The following ABCA9 variants were observed in gnomAD, a reference collection of about 807,000 sequenced individuals.
ABCA9 encodes the protein ATP binding cassette subfamily A member 9.
ABCA9 carries 183 observed loss-of-function variants against 205.3 expected under a neutral mutation model. That is an observed-to-expected ratio of 0.89 (90% CI 0.79 to 1.01). ABCA9 has a LOEUF of 1.01. ABCA9 is among the 50% of genes least tolerant of loss of function. ABCA9 has a pLI of 0.00. For synonymous variants in ABCA9, 651 were observed against 683.3 expected (o/e 0.95, Z 0.74); for missense variants, 1,805 against 1,912.4 (o/e 0.94, Z 1.05).
intron 31 of ABCA9, 85 bp from the exon 32 acceptor site, chr17:68,986,409 T>G (rs945123875): frequency 6.1e-6 from 8 of 1,304,456 alleles, no homozygotes; most frequent in African/African-American, 4.5e-5. Context: ...AGAGATGCCC[T>G]TCTCTTCACA....
At chr17:69,050,279 T>A (rs958268864) in intron 2 of ABCA9, among the ~76,000 whole-genome samples, 1 of 151,840 alleles carries the variant, frequency 6.6e-6, no homozygotes, top group African/African-American at 2.4e-5. Flanking sequence ...GTTGTATACT[T>A]TATTCCCTGC....
chr17:68,976,202 T>C lies in ABCA9; in HGVS notation c.4721-12A>G. The stretch of plus-strand genomic sequence containing the variant: ...GAAACTCTGTTTAACTGCATAAGAA[T>C]GAGCATACATTAGGAATTCTATTTT... On this transcript the variant is annotated splice_polypyrimidine_tract_variant and intron_variant, in intron 37 of 38. Coordinates refer to ENST00000340001, the MANE Select transcript of ABCA9 (RefSeq NM_080283.4). 6.2e-7 allele frequency: 1 copy of C among 1,611,388 alleles called. No individual in the cohort carries two copies. The highest frequency in any genetic ancestry group is 8.5e-7 in the Non-Finnish European group (1 of 1,178,758).
At chr17:69,006,520 G>A (rs1206209444) in intron 25 of ABCA9, among the ~76,000 whole-genome samples, 8 of 152,116 alleles carry the variant, frequency 5.3e-5, no homozygotes, top group South Asian at 2.1e-4. Flanking sequence ...ACCTATTGTC[G>A]ATTATATACA....
rs147396996 is a variant in ABCA9, at chr17:68,985,504, C to G, written c.4209-376G>C. On this transcript the variant is annotated intron_variant, in intron 32 of 38. Transcript: ENST00000340001. Reference sequence around the variant, plus strand: ...GGGCATGGTGGCGTGCACCTGTAGTCCCAGCTACTCAGGAGGCTGAGGCAG... The same window carrying G: ...GGGCATGGTGGCGTGCACCTGTAGTGCCAGCTACTCAGGAGGCTGAGGCAG... 2.2e-3 allele frequency among the ~76,000 whole-genome samples: 336 copies of G among 152,244 alleles called. 1 individual carries two copies. Among genetic ancestry groups the G allele is most frequent in the African/African-American group, 7.8e-3 (324 of 41,522 alleles).
chr17:69,068,952 C>A, the ABCA9 span, among the ~76,000 whole-genome samples: 2 of 152,048 alleles, frequency 1.3e-5, no homozygotes, highest in East Asian at 3.9e-4. Context: ...AGGAAGAGGA[C>A]AAAGATATGA....
chr17:69,055,645 A>T (rs968795393), intron 1 of ABCA9, among the ~76,000 whole-genome samples: 1 of 152,206 alleles, frequency 6.6e-6, no homozygotes, highest in Non-Finnish European at 1.5e-5. Context: ...GAACTCAACA[A>T]TATAATCAAC....
chr17:68,992,980 C>T (rs2069503655), intron 27 of ABCA9, 36 bp downstream of exon 27: 1 of 1,516,854 alleles, frequency 6.6e-7, no homozygotes, highest in Non-Finnish European at 9.1e-7. Context: ...GTTGTGTTCC[C>T]TCATGCAAGA....
chr17:69,005,895 TG>T (rs777299889), intron 25 of ABCA9, among the ~76,000 whole-genome samples: 1 of 152,248 alleles, frequency 6.6e-6, no homozygotes, highest in African/African-American at 2.4e-5. Context: ...GCATGGATTT[TG>T]CATTTTGTCA....
At chr17:69,072,613 G>T in the ABCA9 span, among the ~76,000 whole-genome samples, 1 of 146,064 alleles carries the variant, frequency 6.8e-6, no homozygotes, top group African/African-American at 2.5e-5. Context: ...ATATGGAAAG[G>T]AAAAACTGGT....
rs1200377975 is a variant in ABCA9 at position 69,008,250 on chromosome 17, G to C, written c.3148-15C>G. ...TGAGCTTTTTTCTGATAAAGAAATA[G>C]AAGAATCATCAAAAGGTTCTGAAGA... is the stretch of plus-strand genomic sequence containing the variant. On this transcript the variant is annotated splice_polypyrimidine_tract_variant and intron_variant, in intron 23 of 38. Transcript: ENST00000340001. 7 of 1,610,042 alleles carry C rather than the reference G, an allele frequency of 4.3e-6. 1 individual carries two copies. In the South Asian group the frequency reaches 6.6e-5, roughly 15 times the overall value.
intron 22 of ABCA9, among the ~76,000 whole-genome samples, chr17:69,012,534 C>T (rs2070418896): frequency 6.6e-6 from 1 of 151,722 alleles, no homozygotes; most frequent in South Asian, 2.1e-4. Context: ...AAAATCAAAA[C>T]CCTGTACATA....
chr17:69,011,987 C>A lies in ABCA9; in HGVS notation c.3136G>T (p.Gly1046Cys). 1.2e-6 allele frequency: 2 copies of A among 1,609,822 alleles called. No individual in the cohort carries two copies. The highest frequency in any genetic ancestry group is 1.1e-5 in the South Asian group (1 of 90,308). The change falls in exon 23 of 39, where the codon GGT becomes TGT. Residue 1046 changes from glycine to cysteine, a missense_variant. By Grantham distance (159) the Gly-to-Cys change is radical. Transcript: ENST00000340001. ...FTPYIAMSSI[G>C]DYKKKAHSQL... ...TTAACTCTTCTTACTTTGTAGTCAC[C>A]AATGCTGCTCATTGCAATGTATGGA... is the stretch of plus-strand genomic sequence containing the variant.
the ABCA9 span, chr17:69,078,841 T>TTAACTAAA: frequency 1.3e-5 from 7 of 541,366 alleles, no homozygotes; most frequent in South Asian, 1.1e-4. Flanking sequence ...AAAATTTATG[T>TTAACTAAA]ATTTGTTAAC....
At chr17:68,985,216 G>T (rs1200080237) in intron 32 of ABCA9, 88 bp from the exon 33 acceptor site, 12 of 1,567,078 alleles carry the variant, frequency 7.7e-6, no homozygotes, top group Non-Finnish European at 1.1e-5. Flanking sequence ...ACGACGGTGG[G>T]GGAGGTGTTT....
At chr17:68,992,789 G>T in intron 27 of ABCA9, 1 of 401,052 alleles carries the variant, frequency 2.5e-6, no homozygotes, top group Non-Finnish European at 4.5e-6. Flanking sequence ...CTCCAGTCTG[G>T]GCAACAAGAG....
At chr17:68,992,865 G>A (rs1221591474) in intron 27 of ABCA9, 151 bp downstream of exon 27, 4 of 578,636 alleles carry the variant, frequency 6.9e-6, no homozygotes, top group African/African-American at 3.8e-5. Flanking sequence ...GTGTGTGTGT[G>A]TGTGCACGCA....
intron 19 of ABCA9, 134 bp from the exon 20 acceptor site, chr17:69,018,713 C>T (rs1398586313): frequency 1.8e-5 from 12 of 677,808 alleles, no homozygotes; most frequent in Non-Finnish European, 2.8e-5. Flanking sequence ...ATACTTTGCC[C>T]CACTTCCTTG....
intron 24 of ABCA9, 62 bp downstream of exon 24, chr17:69,007,997 AATG>A (rs1257195187): frequency 6.7e-7 from 1 of 1,499,000 alleles, no homozygotes; most frequent in Non-Finnish European, 9.1e-7. Flanking sequence ...GTTTAAGATT[AATG>A]ATATTACTGC....
rs368702132 is a variant in ABCA9, at chr17:69,017,636, G to A, written c.2901+20C>T. ...CATAGTCCACCTTTGGTGAAATGCA[G>A]CAACTGGAGTCCAGCATACCTTTTC... is the stretch of plus-strand genomic sequence containing the variant. On this transcript the variant is annotated intron_variant, in intron 21 of 38. Coordinates refer to ENST00000340001, the MANE Select transcript of ABCA9 (RefSeq NM_080283.4). 2.2e-5 allele frequency: 35 copies of A among 1,611,228 alleles called. No homozygotes were observed. Among genetic ancestry groups the A allele is most frequent in the Non-Finnish European group, 2.9e-5 (34 of 1,178,440 alleles).
Sources: allele counts gnomAD v4.1 joint callset (sites outside exome capture counted in the v4.1 genomes callset), GRCh38; gene constraint gnomAD v4.1.1; transcripts MANE v1.5; gene names NCBI Gene and HGNC (gene_info 2026-07-23, HGNC 2026-07-21).